Variants in SLC18A2 observed in about 807,000 individuals in gnomAD.
SLC18A2 encodes the protein solute carrier family 18 member A2, also known as synaptic vesicular amine transporter.
SLC18A2 carries 33 observed loss-of-function variants against 59.2 expected under a neutral mutation model. That is an observed-to-expected ratio of 0.56 (90% CI 0.42 to 0.75). The LOEUF (loss-of-function observed/expected upper bound fraction) is 0.75, where lower values mean the gene tolerates loss of function less well. Ranked by LOEUF, SLC18A2 falls within the 30% of genes least tolerant of loss-of-function variation. SLC18A2 has a pLI of 0.00. For synonymous variants in SLC18A2, 228 were observed against 253.5 expected (o/e 0.90, Z 0.95); for missense variants, 569 against 668.6 (o/e 0.85, Z 1.64).
intron 9 of SLC18A2, 26 bp from the exon 10 acceptor site, chr10:117,257,771 C>T (rs1232079979): frequency 2.0e-6 from 3 of 1,531,064 alleles, no homozygotes; most frequent in Non-Finnish European, 1.8e-6. Flanking sequence ...GCAGAAGCCA[C>T]TACAAAGCCC....
intron 10 of SLC18A2, among the ~76,000 whole-genome samples, chr10:117,261,524 G>C (rs1005522023): frequency 1.3e-5 from 2 of 152,166 alleles, no homozygotes; most frequent in Admixed American, 6.5e-5. Flanking sequence ...TCTCAGCTCT[G>C]AATCAAGCAG....
At chr10:117,247,678 C>T (rs1011293177) in intron 3 of SLC18A2, among the ~76,000 whole-genome samples, 1 of 152,184 alleles carries the variant, frequency 6.6e-6, no homozygotes, top group African/African-American at 2.4e-5. Flanking sequence ...CAGCCTGATT[C>T]CTGTGGACAT....
intron 10 of SLC18A2, among the ~76,000 whole-genome samples, chr10:117,258,523 G>A (rs363249): frequency 3.0e-4 from 46 of 152,178 alleles, no homozygotes; most frequent in African/African-American, 1.1e-3. Context: ...TTGTGGCCAT[G>A]TTTCCGTGTC....
At position 117,255,215 on chromosome 10, in the gene SLC18A2, G is replaced by A. The variant is rs560467184; in HGVS notation, c.701-62G>A. ...GAGAAACACAAGAGTCAAATAGATG[G>A]TTCTAGTACAGGGAGAGGGCATGTG... is the stretch of plus-strand genomic sequence containing the variant. On this transcript the variant is annotated intron_variant, in intron 6 of 15. Coordinates refer to ENST00000644641, the MANE Select transcript of SLC18A2 (RefSeq NM_003054.6). 42 of 1,436,346 alleles carry A rather than the reference G, an allele frequency of 2.9e-5. No individual in the cohort carries two copies. The South Asian group carries it at 3.2e-4, about 11-fold the overall frequency. 89.0% of individuals were successfully genotyped at this position (1,436,346 alleles called of 1,614,324 possible).
chr10:117,265,962 T>G (rs974449835), intron 10 of SLC18A2, among the ~76,000 whole-genome samples: 19 of 152,002 alleles, frequency 1.2e-4, no homozygotes, highest in Admixed American at 2.6e-4. Flanking sequence ...TGGTGGCGCA[T>G]GCCTGTCGTC....
chr10:117,244,905 AAGGAAGAGAACTG>A lies in SLC18A2; in HGVS notation c.464+596_464+608del, dbSNP rs1340004644. 1.1e-4 allele frequency among the ~76,000 whole-genome samples: 16 copies of A among 152,362 alleles called. 1 individual carries two copies. The East Asian group carries it at 3.1e-3, about 29-fold the overall frequency. ...TACGTAGCCACGTCCACGTGCATGA[AAGGAAGAGAACTG>A]AGGCTGTTGTCTGGATAATCCAAGC... On this transcript the variant is annotated intron_variant, in intron 3 of 15. Transcript: ENST00000644641.
At chr10:117,245,560 G>A (rs1336157690) in intron 3 of SLC18A2, among the ~76,000 whole-genome samples, 1 of 152,116 alleles carries the variant, frequency 6.6e-6, no homozygotes, top group Non-Finnish European at 1.5e-5. Context: ...GGCGTGGGGA[G>A]TGGGGCGCAG....
intron 10 of SLC18A2, among the ~76,000 whole-genome samples, chr10:117,258,990 TA>T (rs1844260650): frequency 6.6e-6 from 1 of 152,300 alleles, no homozygotes; most frequent in Admixed American, 6.5e-5. Flanking sequence ...AGCTTCCTAA[TA>T]CAGTAGATGG....
At chr10:117,270,522 A>C (rs763194045) in intron 15 of SLC18A2, 59 bp downstream of exon 15, 1 of 1,585,256 alleles carries the variant, frequency 6.3e-7, no homozygotes. Context: ...GGCCTTCCTG[A>C]TAGCTTCCTC....
intron 2 of SLC18A2, among the ~76,000 whole-genome samples, chr10:117,242,855 C>T (rs1844071015): frequency 6.6e-6 from 1 of 152,160 alleles, no homozygotes; most frequent in Non-Finnish European, 1.5e-5. Flanking sequence ...GCATTAGCCT[C>T]CCGAGTAGCT....
chr10:117,259,797 C>T (rs1253663017), intron 10 of SLC18A2, among the ~76,000 whole-genome samples: 2 of 152,180 alleles, frequency 1.3e-5, no homozygotes, highest in African/African-American at 2.4e-5. Flanking sequence ...TGATGATTTG[C>T]AGTGGGCTCT....
chr10:117,262,814 C>T (rs755764813), intron 10 of SLC18A2, among the ~76,000 whole-genome samples: 4 of 152,134 alleles, frequency 2.6e-5, no homozygotes, highest in African/African-American at 7.2e-5. Flanking sequence ...GGATTACAGG[C>T]GTGAACTGGG....
intron 7 of SLC18A2, 43 bp downstream of exon 7, chr10:117,255,409 G>C: frequency 6.2e-7 from 1 of 1,613,880 alleles, no homozygotes; most frequent in Non-Finnish European, 8.5e-7. Flanking sequence ...CCTTGGCATC[G>C]TGCTGGCACG....
At chr10:117,254,178 G>A (rs775238495) in intron 5 of SLC18A2, 47 bp downstream of exon 5, 1 of 1,573,254 alleles carries the variant, frequency 6.4e-7, no homozygotes, top group African/African-American at 1.3e-5. Context: ...CCCTTGCAGA[G>A]TGAGCTGGAC....
At chr10:117,248,454 G>A (rs1203879471) in intron 3 of SLC18A2, among the ~76,000 whole-genome samples, 4 of 152,186 alleles carry the variant, frequency 2.6e-5, no homozygotes, top group African/African-American at 9.7e-5. Flanking sequence ...TTGGGTGTGT[G>A]TAGTGATGAC....
At chr10:117,274,318 G>A (rs760887510) in intron 15 of SLC18A2, among the ~76,000 whole-genome samples, 1 of 152,172 alleles carries the variant, frequency 6.6e-6, no homozygotes, top group Admixed American at 6.5e-5. Context: ...ACAAATGCTG[G>A]TCAGTTAAGT....
intron 2 of SLC18A2, 29 bp from the exon 3 acceptor site, chr10:117,243,942 C>T (rs1429543618): frequency 6.3e-7 from 1 of 1,577,128 alleles, no homozygotes; most frequent in Non-Finnish European, 8.7e-7. Flanking sequence ...AGTGTGATCA[C>T]CACCTTGCCA....
chr10:117,253,635 C>T (rs1216851533), intron 4 of SLC18A2, among the ~76,000 whole-genome samples, 178 bp downstream of exon 4: 2 of 152,062 alleles, frequency 1.3e-5, no homozygotes, highest in Non-Finnish European at 1.5e-5. Flanking sequence ...CATCTGAGGT[C>T]AGGAGTCCGA....
At chr10:117,268,831 T>C (rs1441888616) in intron 13 of SLC18A2, among the ~76,000 whole-genome samples, 1 of 122,378 alleles carries the variant, frequency 8.2e-6, no homozygotes, top group East Asian at 4.3e-4. Context: ...TGTTTATGTG[T>C]GTGTGTGTGT....
Sources: gnomAD v4.1 joint callset for allele counts (sites outside exome capture counted in the v4.1 genomes callset) on GRCh38, gnomAD v4.1.1 for gene constraint, MANE v1.5 for transcripts, NCBI Gene and HGNC (gene_info 2026-07-23, HGNC 2026-07-21) for gene names.